Variants in SPAG16 observed in about 807,000 individuals in gnomAD.
The protein encoded by SPAG16 is sperm associated antigen 16.
In SPAG16, 86 loss-of-function variants were observed where a neutral mutation model predicts 80.4. The observed-to-expected ratio is 1.07, with a 90% CI of 0.90 to 1.28. The LOEUF is 1.28. Among genes scored for constraint, SPAG16 ranks in the 50% most tolerant of loss-of-function variants. The pLI is 0.00. For missense variants in SPAG16, 870 were observed against 765.3 expected (o/e 1.14, Z -1.61); for synonymous variants, 294 against 265.9 (o/e 1.11, Z -1.03).
intron 10 of SPAG16, among the ~76,000 whole-genome samples, chr2:213,539,332 C>A (rs1410696007): frequency 6.6e-6 from 1 of 152,116 alleles, no homozygotes; most frequent in Non-Finnish European, 1.5e-5. Flanking sequence ...TCTGTTTTAT[C>A]TGAAGTCATA....
At chr2:214,042,563 G>T (rs1006756700) in intron 13 of SPAG16, among the ~76,000 whole-genome samples, 5 of 151,990 alleles carry the variant, frequency 3.3e-5, no homozygotes, top group Non-Finnish European at 5.9e-5. Flanking sequence ...TCTCATCATA[G>T]GAAAAATATT....
At chr2:214,395,022 G>T (rs1467422858) in intron 15 of SPAG16, among the ~76,000 whole-genome samples, 1 of 152,114 alleles carries the variant, frequency 6.6e-6, no homozygotes, top group Non-Finnish European at 1.5e-5. Context: ...TTTCCTCCAT[G>T]CCTTTTCATG....
intron 15 of SPAG16, among the ~76,000 whole-genome samples, chr2:214,195,181 G>A (rs1040558736): frequency 1.3e-5 from 2 of 151,960 alleles, no homozygotes; most frequent in Non-Finnish European, 2.9e-5. Flanking sequence ...AAGGAATGAT[G>A]TGTATAAAAG....
intron 13 of SPAG16, among the ~76,000 whole-genome samples, chr2:214,070,354 A>G (rs2125222316): frequency 6.6e-6 from 1 of 152,176 alleles, no homozygotes; most frequent in East Asian, 1.9e-4. Context: ...TTTACAACAA[A>G]TGTAATTCAT....
chr2:213,708,946 A>G, intron 10 of SPAG16, among the ~76,000 whole-genome samples: 1 of 152,206 alleles, frequency 6.6e-6, no homozygotes, highest in East Asian at 1.9e-4. Context: ...ATATCTGTAT[A>G]TATCAGCAGA....
intron 15 of SPAG16, among the ~76,000 whole-genome samples, chr2:214,353,745 A>C (rs992984197): frequency 2.6e-5 from 4 of 152,154 alleles, no homozygotes; most frequent in African/African-American, 9.6e-5. Context: ...ATCACAAGAA[A>C]ATCACCATGT....
chr2:213,992,502 C>A (rs114513902), intron 12 of SPAG16, among the ~76,000 whole-genome samples: 3,771 of 152,080 alleles, frequency 0.025, 150 homozygotes, highest in African/African-American at 0.087. Context: ...TTAATATATC[C>A]ATTTTTAAAA....
intron 9 of SPAG16, among the ~76,000 whole-genome samples, chr2:213,486,214 A>G (rs1284830825): frequency 6.6e-6 from 1 of 152,040 alleles, no homozygotes; most frequent in East Asian, 1.9e-4. Flanking sequence ...CAACCTCTCC[A>G]TCCTTCCTTC....
At chr2:213,739,942 A>G (rs1256750449) in intron 10 of SPAG16, among the ~76,000 whole-genome samples, 1 of 152,174 alleles carries the variant, frequency 6.6e-6, no homozygotes, top group Non-Finnish European at 1.5e-5. Context: ...ATATAAATAT[A>G]ACTTGTATTA....
intron 12 of SPAG16, among the ~76,000 whole-genome samples, chr2:213,949,169 GTTTTTTTTT>G (rs767648099): frequency 1.8e-5 from 1 of 56,724 alleles, no homozygotes; most frequent in Non-Finnish European, 3.6e-5. Context: ...AATTACAACA[GTTTTTTTTT>G]TTTTTTTTTT....
At chr2:213,977,192 A>T (rs1328993990) in intron 12 of SPAG16, among the ~76,000 whole-genome samples, 1 of 152,032 alleles carries the variant, frequency 6.6e-6, no homozygotes, top group African/African-American at 2.4e-5. Context: ...GGTTACTACT[A>T]TCCTCTGACC....
At chr2:213,968,489 G>A (rs1332089162) in intron 12 of SPAG16, among the ~76,000 whole-genome samples, 4 of 152,146 alleles carry the variant, frequency 2.6e-5, no homozygotes, top group East Asian at 3.9e-4. Context: ...CACCGTGCCC[G>A]GCCTCAACTA....
chr2:214,054,312 C>T (rs1264739991), intron 13 of SPAG16, among the ~76,000 whole-genome samples: 1 of 152,160 alleles, frequency 6.6e-6, no homozygotes, highest in Non-Finnish European at 1.5e-5. Flanking sequence ...GCCCAGCCCT[C>T]ACTTCCCCGT....
intron 10 of SPAG16, among the ~76,000 whole-genome samples, chr2:213,655,399 A>G (rs912673609): frequency 6.6e-6 from 1 of 152,248 alleles, no homozygotes; most frequent in African/African-American, 2.4e-5. Context: ...TAGATTATAC[A>G]TATCTGAAAA....
At chr2:213,602,171 G>A (rs1433910488) in intron 10 of SPAG16, among the ~76,000 whole-genome samples, 1 of 152,224 alleles carries the variant, frequency 6.6e-6, no homozygotes, top group Non-Finnish European at 1.5e-5. Flanking sequence ...TGGGACCCCT[G>A]CCATAGGTGT....
At chr2:214,314,380 C>G (rs1223413300) in intron 15 of SPAG16, among the ~76,000 whole-genome samples, 2 of 152,156 alleles carry the variant, frequency 1.3e-5, no homozygotes, top group African/African-American at 2.4e-5. Context: ...TGGGAAACCC[C>G]AAGTTTATAC....
chr2:213,584,294 C>G (rs1276226301), intron 10 of SPAG16, among the ~76,000 whole-genome samples: 1 of 151,788 alleles, frequency 6.6e-6, no homozygotes, highest in Non-Finnish European at 1.5e-5. Flanking sequence ...GCATTTGAAG[C>G]CAACTTTTGG....
intron 11 of SPAG16, among the ~76,000 whole-genome samples, chr2:213,913,491 T>G (rs1014049491): frequency 1.7e-5 from 2 of 118,628 alleles, no homozygotes; most frequent in African/African-American, 5.3e-5. Flanking sequence ...TGTGTGTGTC[T>G]GTGTGTCTGT....
chr2:213,578,466 A>C (rs1041187500), intron 10 of SPAG16, among the ~76,000 whole-genome samples: 2 of 152,136 alleles, frequency 1.3e-5, no homozygotes, highest in Non-Finnish European at 2.9e-5. Flanking sequence ...ATTTTCTTAT[A>C]TTTTCCACAT....
Sources: gnomAD v4.1 joint callset for allele counts (sites outside exome capture counted in the v4.1 genomes callset) on GRCh38, gnomAD v4.1.1 for gene constraint, MANE v1.5 for transcripts, NCBI Gene and HGNC (gene_info 2026-07-23, HGNC 2026-07-21) for gene names.